TBC1D1: variants seen among roughly 807,000 people sequenced by gnomAD.
TBC1D1 encodes the protein TBC1 (tre-2/USP6, BUB2, cdc16) domain family, member 1.
In TBC1D1, 89 loss-of-function variants were observed where a neutral mutation model predicts 125.6. The observed-to-expected ratio is 0.71, with a 90% CI of 0.60 to 0.85. The LOEUF (loss-of-function observed/expected upper bound fraction) is 0.85. Ranked by LOEUF, TBC1D1 falls within the 40% of genes least tolerant of loss-of-function variation. The pLI, the probability that TBC1D1 is intolerant of heterozygous loss-of-function variation, is 0.00. For missense variants in TBC1D1, 1,377 were observed against 1,469.2 expected, an observed-to-expected ratio of 0.94 and a Z score of 1.03; for synonymous variants, 565 against 564.1, an observed-to-expected ratio of 1.00 and a Z score of -0.02.
chr4:38,131,227 C>G (rs756045957), intron 18 of TBC1D1, among the ~76,000 whole-genome samples: 2 of 152,154 alleles, frequency 1.3e-5, no homozygotes, highest in East Asian at 3.9e-4. Context: ...AACATCAATC[C>G]GTAGGAAAAG....
In TBC1D1 at chr4:38,014,699, T is replaced by TCAGCGG. The variant is rs1560620213; in HGVS notation, c.613_618dup (p.Gly205_Ser206dup). 1.2e-6 allele frequency: 2 copies of TCAGCGG among 1,612,826 alleles called. No individual in the cohort carries two copies. Among genetic ancestry groups the TCAGCGG allele is most frequent in the South Asian group, 2.2e-5 (2 of 91,084 alleles). On this transcript the variant is annotated inframe_insertion, in exon 3 of 20. Coordinates refer to ENST00000261439, the MANE Select transcript of TBC1D1 (RefSeq NM_015173.4). The surrounding 1 kb of genome is among the most constrained non-coding windows in gnomAD (Gnocchi z 5.1). ...GAGTGCATCGAGAAGTTCAATCACG[T>TCAGCGG]CAGCGGCAGCCGGGGGTCCGAGAGC...
intron 15 of TBC1D1, among the ~76,000 whole-genome samples, chr4:38,114,474 C>T (rs144171126): frequency 3.0e-4 from 45 of 152,328 alleles, no homozygotes; most frequent in African/African-American, 9.9e-4. Flanking sequence ...CGAATAATTG[C>T]AGTGAACAAT....
At chr4:37,896,215 C>A (rs1714571637) in intron 1 of TBC1D1, among the ~76,000 whole-genome samples, 3 of 152,150 alleles carry the variant, frequency 2.0e-5, no homozygotes, top group Admixed American at 2.0e-4. Flanking sequence ...TTCTTCTCTC[C>A]CTACCCACTC....
intron 6 of TBC1D1, among the ~76,000 whole-genome samples, chr4:38,021,938 C>G (rs1267073115): frequency 6.6e-6 from 1 of 152,184 alleles, no homozygotes; most frequent in Non-Finnish European, 1.5e-5. Flanking sequence ...CCCCCTTCTG[C>G]CACCTCCCTC....
At chr4:38,102,203 CT>C (rs1560792547) in intron 14 of TBC1D1, among the ~76,000 whole-genome samples, 1 of 151,882 alleles carries the variant, frequency 6.6e-6, no homozygotes, top group African/African-American at 2.4e-5. Context: ...TGTAACAAAC[CT>C]GCACGTTGTG....
intron 2 of TBC1D1, chr4:37,960,297 T>C: frequency 2.5e-6 from 2 of 796,782 alleles, no homozygotes; most frequent in Non-Finnish European, 3.9e-6. Flanking sequence ...TATGAGTTCA[T>C]GCTAACTCTC....
chr4:37,899,988 G>T (rs945945842), intron 1 of TBC1D1, among the ~76,000 whole-genome samples: 1 of 152,170 alleles, frequency 6.6e-6, no homozygotes, highest in African/African-American at 2.4e-5. Context: ...GGGCGCGGTG[G>T]CAGGCGCCTG....
At chr4:38,113,740 A>C (rs1329479029) in intron 15 of TBC1D1, among the ~76,000 whole-genome samples, 2 of 152,226 alleles carry the variant, frequency 1.3e-5, no homozygotes, top group Non-Finnish European at 2.9e-5. Flanking sequence ...GGTGTTGCCC[A>C]GTACAGAAGC....
intron 14 of TBC1D1, among the ~76,000 whole-genome samples, chr4:38,096,806 T>A (rs1034020546): frequency 2.6e-5 from 4 of 152,242 alleles, no homozygotes; most frequent in African/African-American, 7.2e-5. Flanking sequence ...TGTTTTTTTT[T>A]AAATTTTGTT....
chr4:38,078,040 A>G (rs1314910094), intron 12 of TBC1D1, among the ~76,000 whole-genome samples: 1 of 152,282 alleles, frequency 6.6e-6, no homozygotes, highest in East Asian at 1.9e-4. Flanking sequence ...CTTAAAGTTA[A>G]AGAACAGCAA....
At chr4:38,028,002 T>C in intron 7 of TBC1D1, 123 bp downstream of exon 7, 2 of 639,116 alleles carry the variant, frequency 3.1e-6, no homozygotes, top group Non-Finnish European at 5.2e-6. Context: ...CTTGAGTTCG[T>C]CTTGGTTTCA....
At chr4:37,916,606 A>G (rs1331662339) in intron 2 of TBC1D1, among the ~76,000 whole-genome samples, 1 of 152,134 alleles carries the variant, frequency 6.6e-6, no homozygotes, top group East Asian at 1.9e-4. Context: ...TGCTTAGCAT[A>G]AGCAACCAAC....
At chr4:37,939,022 A>C (rs1234429123) in intron 2 of TBC1D1, among the ~76,000 whole-genome samples, 2 of 152,324 alleles carry the variant, frequency 1.3e-5, no homozygotes, top group Admixed American at 6.5e-5. Flanking sequence ...ATGATTTATC[A>C]TCCTTTGGGT....
intron 9 of TBC1D1, among the ~76,000 whole-genome samples, chr4:38,045,300 T>G (rs1019441152): frequency 6.6e-6 from 1 of 152,208 alleles, no homozygotes; most frequent in African/African-American, 2.4e-5. Flanking sequence ...AAACATCTGA[T>G]TTTATTTTAT....
chr4:37,917,470 A>G (rs1412403340), intron 2 of TBC1D1, among the ~76,000 whole-genome samples: 1 of 152,164 alleles, frequency 6.6e-6, no homozygotes, highest in Non-Finnish European at 1.5e-5. Context: ...GCTAGACACC[A>G]TCTCAAAATA....
intron 12 of TBC1D1, among the ~76,000 whole-genome samples, chr4:38,085,001 A>ATAC (rs1757227901): frequency 6.6e-6 from 1 of 152,208 alleles, no homozygotes; most frequent in Non-Finnish European, 1.5e-5. Flanking sequence ...AGAGAGCCAG[A>ATAC]TACTGGGCAG....
intron 2 of TBC1D1, among the ~76,000 whole-genome samples, chr4:37,985,074 T>C (rs1313742792): frequency 1.3e-5 from 2 of 151,884 alleles, no homozygotes; most frequent in Non-Finnish European, 2.9e-5. Context: ...TGCCTCAGCC[T>C]CCCGAGTAGT....
intron 17 of TBC1D1, among the ~76,000 whole-genome samples, chr4:38,121,380 T>G (rs1251207278): frequency 6.6e-6 from 1 of 152,234 alleles, no homozygotes; most frequent in Non-Finnish European, 1.5e-5. Flanking sequence ...ATAAGAGGGT[T>G]GCTGAAATGT....
intron 8 of TBC1D1, among the ~76,000 whole-genome samples, chr4:38,037,659 C>G (rs934544893): frequency 6.6e-6 from 1 of 152,062 alleles, no homozygotes; most frequent in Non-Finnish European, 1.5e-5. Flanking sequence ...TGACATAGAC[C>G]GTGGTAGGAT....
Sources: gnomAD v4.1 joint callset for allele counts (sites outside exome capture counted in the v4.1 genomes callset) on GRCh38, gnomAD v4.1.1 for gene constraint, Gnocchi (gnomAD v3.1) non-coding constraint, MANE v1.5 for transcripts, NCBI Gene and HGNC (gene_info 2026-07-23, HGNC 2026-07-21) for gene names.